The following LATS2 variants were observed in gnomAD, a reference collection of about 807,000 sequenced individuals.
LATS2 encodes the protein large tumor suppressor kinase 2.
Under a neutral mutation model 76.0 loss-of-function variants are expected in LATS2, and 24 were observed. The ratio of observed to expected loss-of-function variants is 0.32; its 90% CI spans 0.23 to 0.44. The LOEUF (loss-of-function observed/expected upper bound fraction) is 0.44. Among genes scored for constraint, LATS2 ranks in the 20% least tolerant of loss-of-function variants. LATS2 has a pLI of 1.00. For synonymous variants in LATS2, 692 were observed against 635.4 expected (o/e 1.09, Z -1.34); for missense variants, 1,286 against 1,481.2 (o/e 0.87, Z 2.16).
intron 2 of LATS2, among the ~76,000 whole-genome samples, chr13:21,019,693 G>C (rs1285579271): frequency 1.4e-5 from 2 of 144,708 alleles, no homozygotes; most frequent in African/African-American, 5.0e-5. Context: ...AAAAAAGGCG[G>C]CTGGGCGTGG....
In LATS2 at chr13:20,991,147, A is replaced by G. The variant is rs1236978840; in HGVS notation, c.475+125T>C. 3.3e-6 allele frequency: 4 copies of G among 1,216,062 alleles called. No individual in the cohort carries two copies. In the African/African-American group the frequency reaches 6.0e-5, roughly 18 times the overall value. 75.3% of individuals were successfully genotyped at this position (1,216,062 alleles called of 1,614,324 possible). A position where few individuals can be genotyped will look rare whatever the true frequency, so the allele number is the denominator to read the frequency against. ...CAGGCTCAGCTTGCCTGTTAACTGA[A>G]TGAGGCAATGTGCCAGGAGACTGGC... On this transcript the variant is annotated intron_variant, in intron 3 of 7. Transcript: ENST00000382592. This position sits in a 1 kb window ranked among gnomAD's most constrained non-coding sequence, Gnocchi z 4.9.
At chr13:21,044,236 T>C (rs373091661) in intron 2 of LATS2, among the ~76,000 whole-genome samples, 21 of 152,358 alleles carry the variant, frequency 1.4e-4, no homozygotes, top group African/African-American at 4.8e-4. Flanking sequence ...ACATCTCCTC[T>C]GAGAAATGTA....
chr13:21,006,984 G>C (rs616495), intron 2 of LATS2, among the ~76,000 whole-genome samples: 38,828 of 152,064 alleles, frequency 0.26, 5,354 homozygotes, highest in African/African-American at 0.35. Flanking sequence ...GCAAATTATA[G>C]GTTCACCCAA....
chr13:20,999,076 G>A (rs1019960280), intron 2 of LATS2, among the ~76,000 whole-genome samples: 2 of 152,266 alleles, frequency 1.3e-5, no homozygotes, highest in Non-Finnish European at 2.9e-5. Context: ...CAGGGGCCCC[G>A]GTGACCTTGG....
At position 20,975,352 on chromosome 13, in the gene LATS2, C is replaced by A; in HGVS notation, c.2785G>T (p.Glu929Ter). The part of the protein sequence containing the change: ...TETQLKVINW[E>*]NTLHIPAQVK... ...TGGGCTGGAATGTGGAGCGTGTTCT[C>A]CCAGTTGATCACCTGAGGAAACAAC... Residue 929 changes from glutamate to a stop codon, truncating the protein, a stop_gained, in exon 8 of 8, where the codon GAG (glutamate) becomes TAG (stop). Transcript: ENST00000382592. LOFTEE classifies it low-confidence loss of function (END_TRUNC). 6.4e-7 allele frequency: 1 copy of A among 1,560,154 alleles called. No individual in the cohort carries two copies. Among genetic ancestry groups the A allele is most frequent in the South Asian group, 1.2e-5 (1 of 82,680 alleles).
rs535704548 is a variant in LATS2, at chr13:20,985,254, A to G, written c.1900-1448T>C. On this transcript the variant is annotated intron_variant, in intron 4 of 7. Coordinates refer to ENST00000382592, the MANE Select transcript of LATS2 (RefSeq NM_014572.3). Reference sequence around the variant, plus strand: ...TCAAAAGCACAGGCAAAAAAACCCCAAAGTAGACAAATGGGACTATATTAA... The same window carrying G: ...TCAAAAGCACAGGCAAAAAAACCCCGAAGTAGACAAATGGGACTATATTAA... Among the ~76,000 whole-genome samples, 3 of 152,354 alleles carry G rather than the reference A, an allele frequency of 2.0e-5. No homozygotes were observed. The East Asian group carries it at 5.8e-4, about 29-fold the overall frequency.
chr13:21,040,332 G>A (rs367950299), intron 2 of LATS2, among the ~76,000 whole-genome samples: 9 of 150,036 alleles, frequency 6.0e-5, no homozygotes, highest in South Asian at 4.2e-4. Flanking sequence ...ACAGTGAGCC[G>A]AGATTGCGCC....
Position 21,061,358 on chromosome 13 carries a change from G to A in LATS2, c.-217C>T, listed in dbSNP as rs1873642043. The A allele has an allele frequency of 6.6e-6, 1 of 152,258 alleles. No individual in the cohort carries two copies. Among genetic ancestry groups the A allele is most frequent in the African/African-American group, 2.4e-5 (1 of 41,448 alleles). 9.4% of individuals were successfully genotyped at this position (152,258 alleles called of 1,614,324 possible). A position where few individuals can be genotyped will look rare whatever the true frequency, so the allele number is the denominator to read the frequency against. ...CCAGCCCCCTCACCTCCAGGGGCGC[G>A]GTCTACACCCTCGGGGGCGTCCTGG... is the stretch of plus-strand genomic sequence containing the variant. On this transcript the variant is annotated 5_prime_UTR_variant, in exon 1 of 8. Coordinates refer to ENST00000382592, the MANE Select transcript of LATS2 (RefSeq NM_014572.3).
intron 7 of LATS2, 88 bp downstream of exon 7, chr13:20,979,603 A>G: frequency 1.6e-6 from 1 of 632,764 alleles, no homozygotes; most frequent in Non-Finnish European, 2.9e-6. Context: ...TACTCAGAAT[A>G]AGAGGGCAAA....
rs145164340 is a variant in LATS2, at chr13:20,983,285, G to A, written c.2421C>T (p.Leu807=). The change falls in exon 5 of 8, where the codon CTC becomes CTT. Residue 807 remains leucine (L), a synonymous_variant. Coordinates refer to ENST00000382592, the MANE Select transcript of LATS2 (RefSeq NM_014572.3). ...ILIDLDGHIK[L]TDFGLCTGFR... Reference sequence around the variant, plus strand: ...ACCCAGTGCAGAGGCCGAAATCTGTGAGTTTAATGTGACCATCCAGATCTA... The same window carrying A: ...ACCCAGTGCAGAGGCCGAAATCTGTAAGTTTAATGTGACCATCCAGATCTA... 10 of 1,613,904 alleles carry A rather than the reference G, an allele frequency of 6.2e-6. No homozygotes were observed. The African/African-American group carries it at 1.2e-4, about 19-fold the overall frequency.
chr13:21,041,848 C>A (rs1872891327), intron 2 of LATS2, among the ~76,000 whole-genome samples: 1 of 152,148 alleles, frequency 6.6e-6, no homozygotes, highest in African/African-American at 2.4e-5. Flanking sequence ...AGGCACCATC[C>A]TGAGTGCTAT....
intron 2 of LATS2, among the ~76,000 whole-genome samples, chr13:21,015,741 C>G (rs187662246): frequency 1.8e-4 from 27 of 151,982 alleles, no homozygotes; most frequent in Admixed American, 5.2e-4. Flanking sequence ...ACTCTGTCAC[C>G]CAGGCTGGAG....
At chr13:20,985,968 C>T (rs551479376) in intron 4 of LATS2, among the ~76,000 whole-genome samples, 8 of 152,156 alleles carry the variant, frequency 5.3e-5, no homozygotes, top group African/African-American at 1.7e-4. Flanking sequence ...CACTTGAACC[C>T]GGGAGGCGGA....
chr13:20,992,518 C>A (rs1272204671), intron 2 of LATS2, among the ~76,000 whole-genome samples: 1 of 152,092 alleles, frequency 6.6e-6, no homozygotes, highest in Non-Finnish European at 1.5e-5. Context: ...CTCCGCAGAG[C>A]TGTAGGCAAA....
intron 1 of LATS2, among the ~76,000 whole-genome samples, chr13:21,053,666 G>A (rs1873354309): frequency 6.6e-6 from 1 of 152,118 alleles, no homozygotes; most frequent in Admixed American, 6.6e-5. Context: ...TAACATGCAG[G>A]TCTAAATGAA....
At position 20,987,973 on chromosome 13, in the gene LATS2, T is replaced by TA; in HGVS notation, c.1806dup (p.Lys603Ter). 6.2e-7 allele frequency: 1 copy of TA among 1,614,252 alleles called. No homozygotes were observed. The highest frequency in any genetic ancestry group is 8.5e-7 in the Non-Finnish European group (1 of 1,180,038). On this transcript the variant is annotated frameshift_variant, in exon 4 of 8. Coordinates refer to ENST00000382592, the MANE Select transcript of LATS2 (RefSeq NM_014572.3). LOFTEE classifies it high-confidence loss of function. ...TCCACGTGCTGCTCCATGAAGAACT[T>TA]AAAGGCGTATGGCGAGTAGCTCTTG...
In LATS2 at chr13:20,988,779, C is replaced by A; in HGVS notation, c.1001G>T (p.Arg334Leu). The part of the protein sequence containing the change: ...AAHQLHVLGS[R>L]SQVFASDSPP... Reference sequence around the variant, plus strand: ...GCTGTCGCTGGCGAACACCTGGCTGCGGGAGCCCAGCACATGCAGCTGGTG... The same window carrying A: ...GCTGTCGCTGGCGAACACCTGGCTGAGGGAGCCCAGCACATGCAGCTGGTG... Residue 334 changes from arginine (R) to leucine (L), a missense_variant, in exon 4 of 8, where the codon CGC becomes CTC. Physicochemically the swap from Arg to Leu is moderately radical, Grantham distance 102. Coordinates refer to ENST00000382592, the MANE Select transcript of LATS2 (RefSeq NM_014572.3). 1.9e-6 allele frequency: 3 copies of A among 1,589,292 alleles called. 1 individual carries two copies. The highest frequency in any genetic ancestry group is 2.2e-5 in the South Asian group (2 of 89,464).
In LATS2 at chr13:20,988,618, C is replaced by A; in HGVS notation, c.1162G>T (p.Ala388Ser). Reference sequence around the variant, plus strand: ...AAGGCCACGTGCGCGCGCGGCGGCGCCTCCAGGCCCGGCTTCTGCAGGGAG... The same window carrying A: ...AAGGCCACGTGCGCGCGCGGCGGCGACTCCAGGCCCGGCTTCTGCAGGGAG... ...RDSLQKPGLE[A>S]PPRAHVAFRP... Residue 388 changes from alanine to serine, a missense_variant, in exon 4 of 8, where the codon GCG (alanine) becomes TCG (serine). By Grantham distance (99) the Ala-to-Ser change is moderately conservative. This residue lies in a region of LATS2 where 710 missense variants were observed against 660.9 expected (regional missense o/e 1.07). Transcript: ENST00000382592. The A allele has an allele frequency of 6.3e-7, 1 of 1,588,558 alleles. No homozygotes were observed. Among genetic ancestry groups the A allele is most frequent in the South Asian group, 1.1e-5 (1 of 90,130 alleles).
At chr13:21,016,263 A>T (rs1871794981) in intron 2 of LATS2, among the ~76,000 whole-genome samples, 1 of 151,838 alleles carries the variant, frequency 6.6e-6, no homozygotes, top group Non-Finnish European at 1.5e-5. Context: ...CTGGGATTAC[A>T]GGCATGAGAC....
Sources: allele counts gnomAD v4.1 joint callset (sites outside exome capture counted in the v4.1 genomes callset), GRCh38; gene constraint gnomAD v4.1.1; regional missense constraint gnomAD v4.1.1; non-coding constraint Gnocchi (gnomAD v3.1); transcripts MANE v1.5; gene names NCBI Gene and HGNC (gene_info 2026-07-23, HGNC 2026-07-21).